ATP2B2: variants seen among roughly 807,000 people sequenced by gnomAD.
ATP2B2 encodes plasma membrane calcium-transporting ATPase 2.
Under a neutral mutation model 120.0 loss-of-function variants are expected in ATP2B2, and 15 were observed. The ratio of observed to expected loss-of-function variants is 0.12; its 90% CI spans 0.08 to 0.19. ATP2B2 has a LOEUF of 0.19. Ranked by LOEUF, ATP2B2 falls within the 10% of genes least tolerant of loss-of-function variation. The pLI is 1.00. For synonymous variants in ATP2B2, 694 were observed against 700.3 expected, an observed-to-expected ratio of 0.99 and a Z score of 0.14; for missense variants, 1,045 against 1,719.8, an observed-to-expected ratio of 0.61 and a Z score of 6.94.
intron 1 of ATP2B2, among the ~76,000 whole-genome samples, chr3:10,627,383 G>A (rs1186450291): frequency 2.0e-5 from 3 of 152,206 alleles, no homozygotes; most frequent in African/African-American, 7.2e-5. Flanking sequence ...TACCCTAAGG[G>A]ATGCCTCCCT....
chr3:10,358,624 G>A, intron 14 of ATP2B2, 67 bp downstream of exon 14: 3 of 1,503,152 alleles, frequency 2.0e-6, no homozygotes, highest in Non-Finnish European at 2.8e-6. Flanking sequence ...ACTTACTCCA[G>A]GTCACCCTGG....
At position 10,383,474 on chromosome 3, in the gene ATP2B2, C is replaced by G. The variant is rs77388338; in HGVS notation, c.1000+1794G>C. ...ACATCTTTGACCACAGAATCCTTTT[C>G]TTGGGGTAAAGCCCTCTTAACATCC... On this transcript the variant is annotated intron_variant, in intron 8 of 22. Coordinates refer to ENST00000360273, the MANE Select transcript of ATP2B2 (RefSeq NM_001001331.4). Among the ~76,000 whole-genome samples, 712 of 152,334 alleles carry G rather than the reference C, an allele frequency of 4.7e-3. 5 individuals carry two copies. The highest frequency in any genetic ancestry group is 0.024 in the Middle Eastern group (7 of 294).
At chr3:10,574,290 T>C (rs1477608353) in intron 2 of ATP2B2, among the ~76,000 whole-genome samples, 1 of 151,810 alleles carries the variant, frequency 6.6e-6, no homozygotes, top group Non-Finnish European at 1.5e-5. Context: ...TGGGGTAAGG[T>C]GGTCGCTGAA....
chr3:10,673,549 C>T (rs1003421906), intron 1 of ATP2B2, among the ~76,000 whole-genome samples: 1 of 151,834 alleles, frequency 6.6e-6, no homozygotes, highest in African/African-American at 2.4e-5. Flanking sequence ...CCTGTAATCC[C>T]AGCACTTTGG....
At chr3:10,612,196 C>G (rs2069258085) in intron 2 of ATP2B2, among the ~76,000 whole-genome samples, 1 of 152,170 alleles carries the variant, frequency 6.6e-6, no homozygotes, top group South Asian at 2.1e-4. Context: ...ACTTTAACCC[C>G]TCCCCAGGTC....
chr3:10,359,830 C>A (rs959333802), intron 13 of ATP2B2, 52 bp downstream of exon 13: 2 of 1,612,638 alleles, frequency 1.2e-6, no homozygotes, highest in Non-Finnish European at 8.5e-7. Context: ...ACATCCCCAG[C>A]TCCCTGCACC....
chr3:10,333,401 G>T (rs1051037896), intron 22 of ATP2B2, among the ~76,000 whole-genome samples: 17 of 152,102 alleles, frequency 1.1e-4, no homozygotes, highest in Admixed American at 1.1e-3. Context: ...GTCACTTCCT[G>T]GCCACCTGTT....
chr3:10,414,784 T>C (rs1455773170), intron 2 of ATP2B2, among the ~76,000 whole-genome samples: 1 of 152,084 alleles, frequency 6.6e-6, no homozygotes, highest in Admixed American at 6.5e-5. Context: ...TCCCTCCCTC[T>C]TCCAGGCAGC....
At chr3:10,497,770 C>G (rs1314112015) in intron 1 of ATP2B2, among the ~76,000 whole-genome samples, 1 of 152,192 alleles carries the variant, frequency 6.6e-6, no homozygotes, top group Non-Finnish European at 1.5e-5. Flanking sequence ...TATTAAGCAC[C>G]TACTGCATAT....
chr3:10,503,685 C>A (rs1470991724), intron 1 of ATP2B2, among the ~76,000 whole-genome samples: 1 of 152,244 alleles, frequency 6.6e-6, no homozygotes, highest in Non-Finnish European at 1.5e-5. Context: ...CCTGTGGGCA[C>A]ATTCCAGCAT....
intron 3 of ATP2B2, among the ~76,000 whole-genome samples, chr3:10,526,531 C>T (rs1461316423): frequency 1.3e-5 from 2 of 152,138 alleles, no homozygotes; most frequent in African/African-American, 2.4e-5. Flanking sequence ...CTGTGGGTCA[C>T]GGGGACAAGG....
At chr3:10,345,130 C>T (rs1271899863) in intron 18 of ATP2B2, among the ~76,000 whole-genome samples, 1 of 152,216 alleles carries the variant, frequency 6.6e-6, no homozygotes, top group African/African-American at 2.4e-5. Flanking sequence ...GTGAGCCTGA[C>T]AGCTCCCATT....
intron 1 of ATP2B2, among the ~76,000 whole-genome samples, chr3:10,707,324 A>G (rs1436008706): frequency 6.6e-6 from 1 of 152,168 alleles, no homozygotes; most frequent in East Asian, 1.9e-4. Context: ...GGAAAAGGTG[A>G]GGCTGGAGAT....
chr3:10,539,930 C>G (rs554496710), intron 2 of ATP2B2, among the ~76,000 whole-genome samples: 13 of 152,140 alleles, frequency 8.5e-5, no homozygotes, highest in Non-Finnish European at 1.5e-4. Flanking sequence ...AGTGAACAGG[C>G]AACCTACAGA....
chr3:10,385,272 G>A lies in ATP2B2; in HGVS notation c.996C>T (p.Val332=). ...NAADSANASL[V]NGKMQDGNVD... ...AGCTCGCCGTGGGAGACATACCATT[G>A]ACTAGGCTGGCATTCGCACTATCTG... The change falls in exon 8 of 23, where the codon GTC becomes GTT. Residue 332 remains valine (V), a synonymous_variant. Transcript: ENST00000360273. 1 of 1,614,072 alleles carries A rather than the reference G, an allele frequency of 6.2e-7. No homozygotes were observed. Among genetic ancestry groups the A allele is most frequent in the Non-Finnish European group, 8.5e-7 (1 of 1,180,000 alleles).
intron 1 of ATP2B2, among the ~76,000 whole-genome samples, chr3:10,645,255 A>G (rs2070292859): frequency 6.6e-6 from 1 of 152,174 alleles, no homozygotes; most frequent in Non-Finnish European, 1.5e-5. Context: ...AAAAATAAAA[A>G]TGGAGGGGGG....
chr3:10,392,099 T>C (rs2061871972), intron 5 of ATP2B2, among the ~76,000 whole-genome samples: 1 of 152,118 alleles, frequency 6.6e-6, no homozygotes, highest in South Asian at 2.1e-4. Context: ...CTGGGGGTGC[T>C]TCCAGGCCTG....
At chr3:10,555,396 T>C (rs957971192) in intron 2 of ATP2B2, among the ~76,000 whole-genome samples, 2 of 152,232 alleles carry the variant, frequency 1.3e-5, no homozygotes, top group African/African-American at 4.8e-5. Context: ...TCTCCTCCCC[T>C]TCACCTAGAA....
intron 1 of ATP2B2, among the ~76,000 whole-genome samples, chr3:10,503,820 G>C (rs1245613640): frequency 1.3e-5 from 2 of 152,224 alleles, no homozygotes; most frequent in African/African-American, 4.8e-5. Context: ...GCTGTTGCAG[G>C]GCACTGTGTG....
Sources: allele counts gnomAD v4.1 joint callset (sites outside exome capture counted in the v4.1 genomes callset), GRCh38; gene constraint gnomAD v4.1.1; transcripts MANE v1.5; gene names NCBI Gene and HGNC (gene_info 2026-07-23, HGNC 2026-07-21).